Variants in CHSY3 observed in about 807,000 individuals in gnomAD.
The protein encoded by CHSY3 is chondroitin sulfate synthase 3.
Under a neutral mutation model 67.2 loss-of-function variants are expected in CHSY3, and 35 were observed. The ratio of observed to expected loss-of-function variants is 0.52; its 90% CI spans 0.40 to 0.69. CHSY3 has a LOEUF of 0.69. Ranked by LOEUF, CHSY3 falls within the 30% of genes least tolerant of loss-of-function variation. CHSY3 has a pLI of 0.00. For missense variants in CHSY3, 1,069 were observed against 1,138.5 expected, an observed-to-expected ratio of 0.94 and a Z score of 0.88; for synonymous variants, 474 against 434.7, an observed-to-expected ratio of 1.09 and a Z score of -1.12.
intron 2 of CHSY3, among the ~76,000 whole-genome samples, chr5:130,133,802 A>T (rs1768569214): frequency 6.7e-6 from 1 of 149,286 alleles, no homozygotes; most frequent in South Asian, 2.1e-4. Context: ...AAAAGAAAAA[A>T]AAAAAAAAGG....
At chr5:130,177,309 T>A (rs1770086087) in intron 2 of CHSY3, among the ~76,000 whole-genome samples, 1 of 152,034 alleles carries the variant, frequency 6.6e-6, no homozygotes, top group Non-Finnish European at 1.5e-5. Flanking sequence ...AATTTATTTT[T>A]CTGAACAATC....
intron 2 of CHSY3, among the ~76,000 whole-genome samples, chr5:130,145,647 C>T (rs139495022): frequency 6.6e-6 from 1 of 152,050 alleles, no homozygotes; most frequent in Non-Finnish European, 1.5e-5. Flanking sequence ...AAGGAAACAA[C>T]AGAGTAAGGA....
chr5:130,109,698 T>G (rs1294466894), intron 2 of CHSY3, among the ~76,000 whole-genome samples: 1 of 151,768 alleles, frequency 6.6e-6, no homozygotes, highest in Admixed American at 6.6e-5. Flanking sequence ...AGTAATTTTT[T>G]TTTTAAGTGC....
chr5:129,972,884 T>C (rs1762684575), intron 2 of CHSY3, among the ~76,000 whole-genome samples: 1 of 152,086 alleles, frequency 6.6e-6, no homozygotes, highest in African/African-American at 2.4e-5. Flanking sequence ...CTCTGTTTCA[T>C]AGGCCTATCT....
intron 2 of CHSY3, among the ~76,000 whole-genome samples, chr5:130,025,347 A>G (rs1461006909): frequency 6.6e-6 from 1 of 152,150 alleles, no homozygotes; most frequent in East Asian, 1.9e-4. Context: ...CAAAAGGTAC[A>G]GTGCTGGGAA....
At chr5:130,107,795 A>C (rs931318133) in intron 2 of CHSY3, among the ~76,000 whole-genome samples, 1 of 151,580 alleles carries the variant, frequency 6.6e-6, no homozygotes, top group Non-Finnish European at 1.5e-5. Flanking sequence ...ATGCCTGCAA[A>C]GCAAGCTCTA....
rs183944178 is a variant in CHSY3, at chr5:130,000,362, G to A, written c.1086+92002G>A. On this transcript the variant is annotated intron_variant, in intron 2 of 2. Coordinates refer to ENST00000305031, the MANE Select transcript of CHSY3 (RefSeq NM_175856.5). ...TTTGACTGTTAGTAGTGGAAGAGTT[G>A]ATCATTAGAATTATATCTGATTTTA... Among the ~76,000 whole-genome samples, 6 of 152,286 alleles carry A rather than the reference G, an allele frequency of 3.9e-5. No homozygotes were observed. In the East Asian group the frequency reaches 1.2e-3, roughly 29 times the overall value.
chr5:129,989,262 C>CT (rs10632773), intron 2 of CHSY3, among the ~76,000 whole-genome samples: 70,400 of 137,960 alleles, frequency 0.51, 18,673 homozygotes, highest in Non-Finnish European at 0.58. Context: ...CAAACTTGTT[C>CT]TTTTTTTTTT....
chr5:129,906,627 C>T (rs557028180), intron 1 of CHSY3, among the ~76,000 whole-genome samples: 1 of 152,276 alleles, frequency 6.6e-6, no homozygotes, highest in South Asian at 2.1e-4. Flanking sequence ...TTCTTTAGGT[C>T]AGAGAAGTGA....
At chr5:130,140,237 A>G (rs1253116475) in intron 2 of CHSY3, 2 of 291,564 alleles carry the variant, frequency 6.9e-6, no homozygotes, top group African/African-American at 4.5e-5. Flanking sequence ...ATGGTTTTTG[A>G]TGCCAAATAT....
chr5:129,924,178 G>C (rs1393740488), intron 2 of CHSY3, among the ~76,000 whole-genome samples: 1 of 151,976 alleles, frequency 6.6e-6, no homozygotes, highest in East Asian at 1.9e-4. Context: ...ATCAATTTCT[G>C]TTCTCTATCT....
rs573399205 is a variant in CHSY3 at position 130,100,776 on chromosome 5, G to A, written c.1087-83453G>A. Among the ~76,000 whole-genome samples the A allele has an allele frequency of 7.2e-5, 11 of 152,236 alleles. No homozygotes were observed. The South Asian group carries it at 1.0e-3, about 14-fold the overall frequency. ...GGAAAATGAGGCTTAAAGAAGGTAC[G>A]TAACTTACACAAGTTGTTAGTATTC... On this transcript the variant is annotated intron_variant, in intron 2 of 2. Coordinates refer to ENST00000305031, the MANE Select transcript of CHSY3 (RefSeq NM_175856.5).
chr5:129,942,916 A>G (rs1761741051), intron 2 of CHSY3, among the ~76,000 whole-genome samples: 1 of 152,186 alleles, frequency 6.6e-6, no homozygotes, highest in South Asian at 2.1e-4. Flanking sequence ...CCTTCAACCA[A>G]AATTCTTCTT....
At position 129,908,414 on chromosome 5, in the gene CHSY3, T is replaced by C. The variant is rs1760402035; in HGVS notation, c.1086+54T>C. On this transcript the variant is annotated intron_variant, in intron 2 of 2. Transcript: ENST00000305031. ...CACATAGTACATATACATGCCATTT[T>C]ATAATCTAGGGCAGCGATTCTATTC... 6 of 1,582,636 alleles carry C rather than the reference T, an allele frequency of 3.8e-6. No homozygotes were observed. In the Admixed American group the frequency reaches 8.7e-5, roughly 23 times the overall value.
At chr5:129,914,875 C>T (rs575241564) in intron 2 of CHSY3, among the ~76,000 whole-genome samples, 22 of 152,296 alleles carry the variant, frequency 1.4e-4, no homozygotes, top group Non-Finnish European at 2.6e-4. Context: ...AAGATGCCTA[C>T]AGGCAATTCG....
intron 2 of CHSY3, among the ~76,000 whole-genome samples, chr5:129,914,122 T>C (rs1760658828): frequency 6.6e-6 from 1 of 152,172 alleles, no homozygotes; most frequent in Admixed American, 6.5e-5. Context: ...ATTTCCCTTT[T>C]TTTTTGACAC....
intron 2 of CHSY3, among the ~76,000 whole-genome samples, chr5:130,089,430 AT>A (rs1766799389): frequency 2.0e-5 from 3 of 152,084 alleles, no homozygotes; most frequent in Non-Finnish European, 4.4e-5. Flanking sequence ...CAGAAACTTC[AT>A]TTTAATAGAT....
chr5:130,123,832 C>A (rs908945021), intron 2 of CHSY3, among the ~76,000 whole-genome samples: 1 of 151,832 alleles, frequency 6.6e-6, no homozygotes, highest in African/African-American at 2.4e-5. Context: ...CTGACATGGG[C>A]GGATCACGAG....
intron 2 of CHSY3, among the ~76,000 whole-genome samples, chr5:129,990,777 A>G (rs924567114): frequency 2.0e-5 from 3 of 152,070 alleles, no homozygotes; most frequent in Non-Finnish European, 2.9e-5. Flanking sequence ...AGAATCTGAG[A>G]GTGACAATAT....
Sources: allele counts gnomAD v4.1 joint callset (sites outside exome capture counted in the v4.1 genomes callset), GRCh38; gene constraint gnomAD v4.1.1; transcripts MANE v1.5; gene names NCBI Gene and HGNC (gene_info 2026-07-23, HGNC 2026-07-21).